Variants in CFAP299 observed in about 807,000 individuals in gnomAD.
CFAP299 encodes cilia- and flagella-associated protein 299.
A neutral mutation model predicts 27.0 loss-of-function variants in CFAP299; 21 were observed. That is an observed-to-expected ratio of 0.78 (90% CI 0.55 to 1.12). The LOEUF (loss-of-function observed/expected upper bound fraction) is 1.12. Among genes scored for constraint, CFAP299 ranks in the 50% most tolerant of loss-of-function variants. The pLI is 0.00. For synonymous variants in CFAP299, 104 were observed against 98.1 expected, an observed-to-expected ratio of 1.06 and a Z score of -0.36; for missense variants, 310 against 276.6, an observed-to-expected ratio of 1.12 and a Z score of -0.86.
In CFAP299 at chr4:80,781,629, A is replaced by G. The variant is rs76748943; in HGVS notation, c.334-88364A>G. ...AATAAATATACGGGAAGGTTTCACT[A>G]ACAAGGTTGTGCACTGATTTTCTAT... On this transcript the variant is annotated intron_variant, in intron 3 of 5. Transcript: ENST00000358105. 2.3e-3 allele frequency among the ~76,000 whole-genome samples: 356 copies of G among 152,172 alleles called. 2 individuals are homozygous for G. Among genetic ancestry groups the G allele is most frequent in the African/African-American group, 8.3e-3 (345 of 41,530 alleles).
At chr4:80,637,004 C>T (rs1264881492) in intron 3 of CFAP299, among the ~76,000 whole-genome samples, 1 of 151,976 alleles carries the variant, frequency 6.6e-6, no homozygotes, top group Non-Finnish European at 1.5e-5. Flanking sequence ...GTTCAATGTA[C>T]CTATCAAATA....
chr4:80,874,381 C>G (rs1364157774), intron 4 of CFAP299, among the ~76,000 whole-genome samples: 1 of 152,206 alleles, frequency 6.6e-6, no homozygotes, highest in Non-Finnish European at 1.5e-5. Context: ...ATCTCAGGTT[C>G]TCTTCCAACC....
intron 3 of CFAP299, among the ~76,000 whole-genome samples, chr4:80,864,597 T>G (rs776582295): frequency 6.7e-6 from 1 of 150,264 alleles, no homozygotes; most frequent in Non-Finnish European, 1.5e-5. Flanking sequence ...CTTCAAATTA[T>G]ATAAAAAGTT....
intron 3 of CFAP299, among the ~76,000 whole-genome samples, chr4:80,758,903 A>G (rs940052261): frequency 1.3e-5 from 2 of 152,168 alleles, no homozygotes; most frequent in African/African-American, 4.8e-5. Flanking sequence ...GTCAAAATAA[A>G]TCCTCTAAAT....
chr4:80,900,752 AAAT>A (rs552600920), intron 4 of CFAP299, among the ~76,000 whole-genome samples: 11 of 151,624 alleles, frequency 7.3e-5, no homozygotes, highest in African/African-American at 1.4e-4. Flanking sequence ...TAGTTATTTT[AAAT>A]AATAATAATA....
chr4:80,532,410 A>T (rs1221921769), intron 2 of CFAP299, among the ~76,000 whole-genome samples: 1 of 152,172 alleles, frequency 6.6e-6, no homozygotes. Context: ...TTTTAAAAAA[A>T]TTTCTTTGCA....
intron 2 of CFAP299, among the ~76,000 whole-genome samples, chr4:80,427,758 A>C (rs1353782106): frequency 6.6e-6 from 1 of 152,242 alleles, no homozygotes; most frequent in African/African-American, 2.4e-5. Flanking sequence ...AGAAAAATAC[A>C]TTAGAATACA....
chr4:80,809,779 G>T (rs1729049092), intron 3 of CFAP299, among the ~76,000 whole-genome samples: 1 of 151,964 alleles, frequency 6.6e-6, no homozygotes, highest in African/African-American at 2.4e-5. Context: ...AACCTCCAAG[G>T]GTTTCCCCAC....
intron 2 of CFAP299, among the ~76,000 whole-genome samples, chr4:80,402,400 T>C (rs567406623): frequency 6.6e-6 from 1 of 152,268 alleles, no homozygotes; most frequent in Non-Finnish European, 1.5e-5. Context: ...GTCTTTCCCA[T>C]GCTATTCTCA....
chr4:80,832,317 T>TTTCCCACC (rs1730340436), intron 3 of CFAP299, among the ~76,000 whole-genome samples: 1 of 152,188 alleles, frequency 6.6e-6, no homozygotes, highest in South Asian at 2.1e-4. Context: ...TTTTAAACTC[T>TTTCCCACC]AAATTAAGCT....
intron 2 of CFAP299, chr4:80,388,596 A>G (rs2132272): frequency 0.98 from 1,397,830 of 1,421,190 alleles, 688,781 homozygotes; most frequent in East Asian, 1. Context: ...ATAGCAGGGG[A>G]CGCATTGACA....
intron 2 of CFAP299, among the ~76,000 whole-genome samples, chr4:80,441,999 A>T (rs1043891836): frequency 6.6e-6 from 1 of 152,224 alleles, no homozygotes; most frequent in African/African-American, 2.4e-5. Context: ...TGCAACAAGA[A>T]TAGCTAACTA....
At chr4:80,576,198 ATAT>A (rs1337032280) in intron 2 of CFAP299, among the ~76,000 whole-genome samples, 3,265 of 17,506 alleles carry the variant, frequency 0.19, 54 homozygotes, top group East Asian at 0.29. Context: ...AAAAAAAAAA[ATAT>A]ATATATATAT....
intron 3 of CFAP299, among the ~76,000 whole-genome samples, chr4:80,727,463 G>T (rs1381461021): frequency 6.6e-6 from 1 of 152,048 alleles, no homozygotes; most frequent in African/African-American, 2.4e-5. Flanking sequence ...GGCAGCAAAT[G>T]TATGAAAGCC....
intron 4 of CFAP299, chr4:80,872,260 A>C (rs1310063681): frequency 6.6e-6 from 1 of 152,160 alleles, no homozygotes. Flanking sequence ...AAGTGGTGTC[A>C]GTCTAATTAC....
chr4:80,366,300 G>T (rs892110725), intron 2 of CFAP299, among the ~76,000 whole-genome samples: 4 of 152,132 alleles, frequency 2.6e-5, no homozygotes, highest in African/African-American at 9.7e-5. Context: ...CAATTCTTTG[G>T]TCTAGCAATC....
chr4:80,677,451 A>G (rs530507760), intron 3 of CFAP299, among the ~76,000 whole-genome samples: 8 of 151,938 alleles, frequency 5.3e-5, no homozygotes, highest in Non-Finnish European at 1.2e-4. Flanking sequence ...TTTTGTGGGG[A>G]TAATTAATAG....
At chr4:80,572,831 T>C (rs1735661945) in intron 2 of CFAP299, among the ~76,000 whole-genome samples, 1 of 152,110 alleles carries the variant, frequency 6.6e-6, no homozygotes. Flanking sequence ...CTCAGCCTTT[T>C]TATTCCATAT....
chr4:80,815,471 G>C (rs1374120344), intron 3 of CFAP299, among the ~76,000 whole-genome samples: 1 of 151,866 alleles, frequency 6.6e-6, no homozygotes, highest in Admixed American at 6.6e-5. Flanking sequence ...ATAAATTTAA[G>C]ACAGAATATG....
Sources: allele counts gnomAD v4.1 joint callset (sites outside exome capture counted in the v4.1 genomes callset), GRCh38; gene constraint gnomAD v4.1.1; transcripts MANE v1.5; gene names NCBI Gene and HGNC (gene_info 2026-07-23, HGNC 2026-07-21).